The following ADAMTSL1 variants were observed in gnomAD, a reference collection of about 807,000 sequenced individuals.
ADAMTSL1 encodes ADAMTS like 1, also known as ADAMTS-like protein 1.
In ADAMTSL1, 126 loss-of-function variants were observed where a neutral mutation model predicts 201.8. The ratio of observed to expected loss-of-function variants is 0.62; its 90% confidence interval spans 0.54 to 0.72. ADAMTSL1 has a LOEUF of 0.72. Among genes scored for constraint, ADAMTSL1 ranks in the 30% least tolerant of loss-of-function variants. The pLI, the probability that ADAMTSL1 is intolerant of heterozygous loss-of-function variation, is 0.00. For synonymous variants in ADAMTSL1, 1,121 were observed against 903.4 expected (o/e 1.24, Z -4.32); for missense variants, 2,679 against 2,277.8 (o/e 1.18, Z -3.59).
At position 18,680,309 on chromosome 9, in the gene ADAMTSL1, T is replaced by C. The variant is rs201351369; in HGVS notation, c.1137-3T>C. The C allele has an allele frequency of 1.2e-6, 2 of 1,613,796 alleles. No individual in the cohort carries two copies. The highest frequency in any genetic ancestry group is 1.3e-5 in the African/African-American group (1 of 75,012). ...GCCCTGATGACTCCCCTTGCTTCTGTAGGTGGGAGGCCACCCCATGGACCG... is the reference window on the plus strand; with the variant it reads ...GCCCTGATGACTCCCCTTGCTTCTGCAGGTGGGAGGCCACCCCATGGACCG... On this transcript the variant is annotated splice_region_variant and splice_polypyrimidine_tract_variant and intron_variant, in intron 10 of 28. Coordinates refer to ENST00000380548, the MANE Select transcript of ADAMTSL1 (RefSeq NM_001040272.6).
chr9:18,346,885 C>G (rs1445023921), intron 2 of ADAMTSL1, among the ~76,000 whole-genome samples: 1 of 152,174 alleles, frequency 6.6e-6, no homozygotes, highest in African/African-American at 2.4e-5. Flanking sequence ...AGGAGATGAT[C>G]TGTCAGACAA....
Position 18,739,041 on chromosome 9 carries a change from G to A in ADAMTSL1, c.2007-14257G>A, listed in dbSNP as rs140322889. On this transcript the variant is annotated intron_variant, in intron 15 of 28. Coordinates refer to ENST00000380548, the MANE Select transcript of ADAMTSL1 (RefSeq NM_001040272.6). ...CTCTTACAACTAGCTATGTGAACTC[G>A]GCCAAGTTACTTCAATTGCCCTATA... is the stretch of plus-strand genomic sequence containing the variant. Among the ~76,000 whole-genome samples, 1,059 of 152,138 alleles carry A rather than the reference G, an allele frequency of 7.0e-3. 7 individuals are homozygous for A. Among genetic ancestry groups the A allele is most frequent in the Non-Finnish European group, 0.011 (737 of 68,010 alleles).
At chr9:18,604,016 G>A (rs1970943) in intron 4 of ADAMTSL1, among the ~76,000 whole-genome samples, 69,793 of 152,060 alleles carry the variant, frequency 0.46, 16,877 homozygotes, top group Middle Eastern at 0.6. Flanking sequence ...GGAAAAGCAG[G>A]CATATTTATC....
intron 1 of ADAMTSL1, among the ~76,000 whole-genome samples, chr9:18,499,550 G>C (rs867290179): frequency 2.6e-5 from 4 of 152,332 alleles, no homozygotes; most frequent in Middle Eastern, 6.8e-3. Context: ...CACTTCGCAT[G>C]GGCAGACCAC....
At chr9:18,713,350 A>C (rs1038223688) in intron 14 of ADAMTSL1, among the ~76,000 whole-genome samples, 15 of 152,326 alleles carry the variant, frequency 9.8e-5, no homozygotes, top group Admixed American at 2.0e-4. Context: ...GTATTCAGGA[A>C]ACCCATCTCA....
At chr9:18,602,487 C>T (rs1416590293) in intron 4 of ADAMTSL1, among the ~76,000 whole-genome samples, 1 of 152,202 alleles carries the variant, frequency 6.6e-6, no homozygotes, top group East Asian at 1.9e-4. Context: ...TCAGGACCCA[C>T]CTGGATTCAA....
intron 3 of ADAMTSL1, among the ~76,000 whole-genome samples, chr9:18,541,712 A>G (rs6475228): frequency 0.27 from 41,519 of 152,038 alleles, 6,095 homozygotes; most frequent in East Asian, 0.61. Context: ...TCTCAGTCTC[A>G]GTTTTCTTGC....
At chr9:18,558,144 T>G (rs1225311841) in intron 3 of ADAMTSL1, among the ~76,000 whole-genome samples, 1 of 152,180 alleles carries the variant, frequency 6.6e-6, no homozygotes, top group Non-Finnish European at 1.5e-5. Context: ...TTTCTCCTAA[T>G]GCTATCCCTC....
chr9:18,349,995 A>C (rs4007665), intron 2 of ADAMTSL1, among the ~76,000 whole-genome samples: 37,728 of 151,758 alleles, frequency 0.25, 5,260 homozygotes, highest in Admixed American at 0.43. Context: ...AGATACACAA[A>C]AAAGCACAAT....
chr9:18,269,341 T>C lies in ADAMTSL1; in HGVS notation c.207+105360T>C, dbSNP rs1345290750. Among the ~76,000 whole-genome samples the C allele has an allele frequency of 2.6e-5, 4 of 152,166 alleles. No individual in the cohort carries two copies. In the East Asian group the frequency reaches 7.7e-4, roughly 29 times the overall value. On this transcript the variant is annotated intron_variant, in intron 2 of 29. Coordinates refer to the ADAMTSL1 transcript ENST00000680146. Reference sequence around the variant, plus strand: ...GCATCATAAGTGCTTAATAAACATGTATTACATGAAGGAATAACATTGTAG... The same window carrying C: ...GCATCATAAGTGCTTAATAAACATGCATTACATGAAGGAATAACATTGTAG...
At chr9:18,844,551 C>G (rs1245902048) in intron 23 of ADAMTSL1, among the ~76,000 whole-genome samples, 4 of 152,182 alleles carry the variant, frequency 2.6e-5, no homozygotes, top group African/African-American at 9.7e-5. Flanking sequence ...CTGGGAGAAC[C>G]ACTGCTCTCT....
Position 18,899,771 on chromosome 9 carries a change from C to A in ADAMTSL1, c.4852-6011C>A, listed in dbSNP as rs559097117. Among the ~76,000 whole-genome samples, 5 of 152,270 alleles carry A rather than the reference C, an allele frequency of 3.3e-5. No individual in the cohort carries two copies. The East Asian group carries it at 9.6e-4, about 29-fold the overall frequency. ...ATTGATACTGGACTCCTTCCACACA[C>A]CTTATACAAAAATTAACTCAAGATG... On this transcript the variant is annotated intron_variant, in intron 26 of 28. Transcript: ENST00000380548.
intron 1 of ADAMTSL1, among the ~76,000 whole-genome samples, chr9:17,963,742 T>C (rs974552950): frequency 6.6e-6 from 1 of 152,156 alleles, no homozygotes; most frequent in Non-Finnish European, 1.5e-5. Context: ...CCTTTGTCCC[T>C]CTAGCCTAAC....
At chr9:18,137,222 A>C (rs1375506682) in intron 1 of ADAMTSL1, among the ~76,000 whole-genome samples, 1 of 152,150 alleles carries the variant, frequency 6.6e-6, no homozygotes, top group East Asian at 1.9e-4. Context: ...TTTTCTTTCT[A>C]TTTATTGGCA....
At chr9:18,305,425 C>T (rs551843795) in intron 2 of ADAMTSL1, among the ~76,000 whole-genome samples, 1 of 152,312 alleles carries the variant, frequency 6.6e-6, no homozygotes, top group South Asian at 2.1e-4. Flanking sequence ...GGATCCGACC[C>T]CCACAGAGCC....
intron 1 of ADAMTSL1, among the ~76,000 whole-genome samples, chr9:17,908,040 A>G (rs1286691747): frequency 6.6e-6 from 1 of 151,940 alleles, no homozygotes; most frequent in Non-Finnish European, 1.5e-5. Context: ...TCCGATCTCT[A>G]TTTTAAAATT....
At chr9:18,408,247 T>C (rs936917545) in intron 2 of ADAMTSL1, among the ~76,000 whole-genome samples, 3 of 152,146 alleles carry the variant, frequency 2.0e-5, no homozygotes, top group African/African-American at 4.8e-5. Flanking sequence ...GGTGGGAGGA[T>C]CACCTGAGGT....
At chr9:18,791,148 A>ATC (rs950531840) in intron 19 of ADAMTSL1, among the ~76,000 whole-genome samples, 3 of 152,218 alleles carry the variant, frequency 2.0e-5, no homozygotes, top group Admixed American at 6.5e-5. Context: ...TTTTCCAGGA[A>ATC]TCTCTCTCTC....
chr9:18,558,714 G>C (rs977087329), intron 3 of ADAMTSL1, among the ~76,000 whole-genome samples: 3 of 152,130 alleles, frequency 2.0e-5, no homozygotes, highest in African/African-American at 7.2e-5. Flanking sequence ...TAACTGGCAT[G>C]ATATGGTATC....
Sources: allele counts gnomAD v4.1 joint callset (sites outside exome capture counted in the v4.1 genomes callset), GRCh38; gene constraint gnomAD v4.1.1; transcripts MANE v1.5; gene names NCBI Gene and HGNC (gene_info 2026-07-23, HGNC 2026-07-21).